The following CCDC187 variants were observed in gnomAD, a reference collection of about 807,000 sequenced individuals.
CCDC187 encodes the protein coiled-coil domain-containing protein 187.
Under a neutral mutation model 38.0 loss-of-function variants are expected in CCDC187, and 32 were observed. The ratio of observed to expected loss-of-function variants is 0.84; its 90% CI spans 0.64 to 1.13. The LOEUF (loss-of-function observed/expected upper bound fraction) is 1.13, where lower values mean the gene tolerates loss of function less well. Ranked by LOEUF, CCDC187 falls within the 50% of genes most tolerant of loss-of-function variation. The probability of loss-of-function intolerance (pLI) is 0.00; values close to 1 mark genes in which losing one functional copy is unlikely to be tolerated. For synonymous variants in CCDC187, 333 were observed against 347.9 expected, an observed-to-expected ratio of 0.96 and a Z score of 0.48; for missense variants, 707 against 786.8, an observed-to-expected ratio of 0.90 and a Z score of 1.21.
intron 4 of CCDC187, 34 bp downstream of exon 4, chr9:136,297,680 T>C: frequency 5.0e-6 from 2 of 399,292 alleles, no homozygotes; most frequent in Non-Finnish European, 8.8e-6. Context: ...CATATGCACC[T>C]AGCGTGCCAG....
At chr9:136,282,866 A>G (rs1249466869) in intron 9 of CCDC187, among the ~76,000 whole-genome samples, 20 of 152,208 alleles carry the variant, frequency 1.3e-4, no homozygotes, top group Non-Finnish European at 5.9e-5. Context: ...AGTGTTCTGG[A>G]ACCCGGGCTG....
At chr9:136,293,327 G>T (rs1831402084) in intron 4 of CCDC187, among the ~76,000 whole-genome samples, 1 of 135,326 alleles carries the variant, frequency 7.4e-6, no homozygotes, top group African/African-American at 2.9e-5. Flanking sequence ...ACACTCACAT[G>T]CTTACACACT....
In CCDC187 at chr9:136,280,772, T is replaced by G. The variant is rs1401476810; in HGVS notation, c.3040+779A>C. On this transcript the variant is annotated intron_variant, in intron 10 of 25. Transcript: ENST00000638797. ...CAGGAACACCTGGGGCTCCGCCCAC[T>G]CCCCCAGGCCTTCCTCAGGCCTCCC... Among the ~76,000 whole-genome samples, 5 of 152,058 alleles carry G rather than the reference T, an allele frequency of 3.3e-5. No homozygotes were observed. The South Asian group carries it at 1.0e-3, about 31-fold the overall frequency.
chr9:136,253,578 CT>C lies in CCDC187; in HGVS notation c.*15del, dbSNP rs1830574947. ...ACGCTTCCACCCGGACCAGCCACCC[CT>C]GGGCAGAGCCCCAACTACTGGGTTC... On this transcript the variant is annotated 3_prime_UTR_variant, in exon 26 of 26. Coordinates refer to ENST00000638797, the MANE Select transcript of CCDC187 (RefSeq NM_001378188.1). 1 of 985,196 alleles carries C rather than the reference CT, an allele frequency of 1.0e-6. No homozygotes were observed. Among genetic ancestry groups the C allele is most frequent in the Non-Finnish European group, 1.2e-6 (1 of 829,770 alleles). 61.0% of individuals were successfully genotyped at this position (985,196 alleles called of 1,614,324 possible).
At chr9:136,255,596 C>T in intron 25 of CCDC187, 61 bp downstream of exon 25, 1 of 785,304 alleles carries the variant, frequency 1.3e-6, no homozygotes. Flanking sequence ...GTAGAAATGG[C>T]TTGGGGGACC....
Position 136,258,931 on chromosome 9 carries a change from C to T in CCDC187, c.4366+1G>A. On this transcript the variant is annotated splice_donor_variant, in intron 22 of 25. Transcript: ENST00000638797. LOFTEE classifies it high-confidence loss of function. This position sits in a 1 kb window ranked among gnomAD's most constrained non-coding sequence, Gnocchi z 4.3. ...CCACGCGGTGTTTCCAGGGTGCTTA[C>T]CTGGGGGTGGCTCCTTCACCTCCCG... The T allele has an allele frequency of 2.0e-6, 2 of 985,520 alleles. No individual in the cohort carries two copies. Among genetic ancestry groups the T allele is most frequent in the Non-Finnish European group, 2.4e-6 (2 of 830,036 alleles). 61.0% of individuals were successfully genotyped at this position (985,520 alleles called of 1,614,324 possible). A position where few individuals can be genotyped will look rare whatever the true frequency, so the allele number is the denominator to read the frequency against.
chr9:136,291,503 C>T lies in CCDC187; in HGVS notation c.1110G>A (p.Thr370=), dbSNP rs915159634. 300 of 398,686 alleles carry T rather than the reference C, an allele frequency of 7.5e-4. 1 individual carries two copies. Among genetic ancestry groups the T allele is most frequent in the Non-Finnish European group, 1.2e-3 (269 of 226,124 alleles). 24.7% of individuals were successfully genotyped at this position (398,686 alleles called of 1,614,324 possible). A position where few individuals can be genotyped will look rare whatever the true frequency, so the allele number is the denominator to read the frequency against. ...GCAGGTCTTGTAGGATGGCCATGGC[C>T]GTCTGTATGGTCGCTGGCTGGTCGA... is the stretch of plus-strand genomic sequence containing the variant. The part of the protein sequence containing the change: ...ASFDQPATIQ[T]AMAILQDLRQ... Residue 370 remains threonine (T), a synonymous_variant, in exon 6 of 26, where the codon ACG becomes ACA. Coordinates refer to ENST00000638797, the MANE Select transcript of CCDC187 (RefSeq NM_001378188.1).
At chr9:136,262,241 G>A (rs1830688055) in intron 19 of CCDC187, 70 bp downstream of exon 19, 1 of 984,868 alleles carries the variant, frequency 1.0e-6, no homozygotes, top group African/African-American at 1.7e-5. Context: ...ACCCGGGGCA[G>A]AAAAGGCTTC....
At chr9:136,281,729 CG>C in intron 9 of CCDC187, 66 bp from the exon 10 acceptor site, 1 of 398,386 alleles carries the variant, frequency 2.5e-6, no homozygotes, top group African/African-American at 2.1e-5. Flanking sequence ...CAGGGAGATC[CG>C]GGGGACAGCC....
chr9:136,251,904 GCCGC>G lies in CCDC187; in HGVS notation c.*1686_*1689del, dbSNP rs1830543834. 7.1e-6 allele frequency: 1 copy of G among 141,012 alleles called. No homozygotes were observed. Among genetic ancestry groups the G allele is most frequent in the Non-Finnish European group, 1.6e-5 (1 of 63,618 alleles). 8.7% of individuals were successfully genotyped at this position (141,012 alleles called of 1,614,324 possible). On this transcript the variant is annotated 3_prime_UTR_variant, in exon 26 of 26. Transcript: ENST00000638797. ...TCCAGGCGACCGTCCCGCGGAGCCG[GCCGC>G]CCACCTGGTCCACCCTGGGAAGAGC...
Position 136,299,382 on chromosome 9 carries a change from C to T in CCDC187, c.724+838G>A, listed in dbSNP as rs1020393423. Among the ~76,000 whole-genome samples, 19 of 152,300 alleles carry T rather than the reference C, an allele frequency of 1.2e-4. No individual in the cohort carries two copies. In the East Asian group the frequency reaches 1.5e-3, roughly 12 times the overall value. On this transcript the variant is annotated intron_variant, in intron 3 of 25. Coordinates refer to ENST00000638797, the MANE Select transcript of CCDC187 (RefSeq NM_001378188.1). ...TGGACCCACCCGGCCGGCACTGCAC[C>T]GCTGGGATGGACAGCAACTGTCCCC...
At chr9:136,280,076 G>A (rs962726879) in intron 10 of CCDC187, among the ~76,000 whole-genome samples, 76 of 152,318 alleles carry the variant, frequency 5.0e-4, no homozygotes, top group South Asian at 8.3e-4. Context: ...ATTCTGTTAC[G>A]ACAGCATAAA....
In CCDC187 at chr9:136,258,072, GGCT is replaced by G. The variant is rs1830635796; in HGVS notation, c.4366+857_4366+859del. Among the ~76,000 whole-genome samples the G allele has an allele frequency of 2.0e-5, 3 of 152,184 alleles. No homozygotes were observed. Among genetic ancestry groups the G allele is most frequent in the African/African-American group, 7.2e-5 (3 of 41,432 alleles). ...TGGCCATGCGGCGAGGGAGGCTTCA[GGCT>G]GAGCAAGCTTCACGGTGGCCGCAGA... On this transcript the variant is annotated intron_variant, in intron 22 of 25. Transcript: ENST00000638797. The surrounding 1 kb of genome is among the most constrained non-coding windows in gnomAD (Gnocchi z 4.3).
chr9:136,279,839 T>C (rs1831004652), intron 10 of CCDC187, among the ~76,000 whole-genome samples: 2 of 152,348 alleles, frequency 1.3e-5, no homozygotes, highest in Admixed American at 1.3e-4. Context: ...CCATGAGGGT[T>C]CCACCCTTGT....
intron 23 of CCDC187, 136 bp from the exon 24 acceptor site, chr9:136,256,459 G>A (rs1830613817): frequency 4.1e-6 from 1 of 242,626 alleles, no homozygotes; most frequent in Non-Finnish European, 6.6e-6. Flanking sequence ...GGGCTGTGGA[G>A]ACCCCCACTT....
rs1831333511 is a variant in CCDC187 at position 136,291,607 on chromosome 9, C to A, written c.1006G>T (p.Val336Phe). 1.3e-5 allele frequency: 5 copies of A among 398,664 alleles called. No individual in the cohort carries two copies. Among genetic ancestry groups the A allele is most frequent in the Non-Finnish European group, 1.8e-5 (4 of 226,152 alleles). The allele number at this position is 398,664 out of a possible 1,614,324, so 24.7% of individuals were successfully genotyped here. Reference sequence around the variant, plus strand: ...GTGGCATCGGGCAACTGGGCACAAACCGGTGAGCACTTGGCAGCTATGACT... The same window carrying A: ...GTGGCATCGGGCAACTGGGCACAAAACGGTGAGCACTTGGCAGCTATGACT... ...EKVIAAKCSP[V>F]CAQLPDATSA... Residue 336 changes from valine to phenylalanine, a missense_variant, in exon 6 of 26, where the codon GTT becomes TTT. Coordinates refer to ENST00000638797, the MANE Select transcript of CCDC187 (RefSeq NM_001378188.1).
intron 2 of CCDC187, among the ~76,000 whole-genome samples, chr9:136,302,052 A>C (rs1831698586): frequency 6.6e-6 from 1 of 152,038 alleles, no homozygotes; most frequent in Admixed American, 6.5e-5. Context: ...TCTACTAAAA[A>C]TACGAAAATT....
chr9:136,282,154 C>T (rs1034324612), intron 9 of CCDC187, among the ~76,000 whole-genome samples: 3,687 of 152,338 alleles, frequency 0.024, 62 homozygotes, highest in Non-Finnish European at 0.038. Context: ...AGGCCCAGAG[C>T]GGAACGGGGT....
At chr9:136,284,404 ACCG>A (rs1271919232) in intron 9 of CCDC187, among the ~76,000 whole-genome samples, 2 of 151,940 alleles carry the variant, frequency 1.3e-5, no homozygotes, top group Admixed American at 6.5e-5. Context: ...TTCCCGAGAG[ACCG>A]CCGCCGGCCT....
Sources: gnomAD v4.1 joint callset for allele counts (sites outside exome capture counted in the v4.1 genomes callset) on GRCh38, gnomAD v4.1.1 for gene constraint, Gnocchi (gnomAD v3.1) non-coding constraint, MANE v1.5 for transcripts, NCBI Gene and HGNC (gene_info 2026-07-23, HGNC 2026-07-21) for gene names.